Variants in GABRB3 observed in about 807,000 individuals in gnomAD.
The protein encoded by GABRB3 is gamma-aminobutyric acid receptor subunit beta-3.
In GABRB3, 14 loss-of-function variants were observed where a neutral mutation model predicts 52.1. The ratio of observed to expected loss-of-function variants is 0.27; its 90% CI spans 0.18 to 0.42. The LOEUF is 0.42. Ranked by LOEUF, GABRB3 falls within the 10% of genes least tolerant of loss-of-function variation. GABRB3 has a pLI of 1.00. For missense variants in GABRB3, 307 were observed against 609.1 expected (o/e 0.50, Z 5.22); for synonymous variants, 260 against 232.3 (o/e 1.12, Z -1.08).
At chr15:26,624,199 C>T in intron 3 of GABRB3, 2 of 985,530 alleles carry the variant, frequency 2.0e-6, no homozygotes, top group Non-Finnish European at 2.4e-6. Flanking sequence ...GCCCCTTCAT[C>T]ACCATTACCT....
chr15:26,590,156 C>T (rs553234237), intron 4 of GABRB3: 2 of 152,198 alleles, frequency 1.3e-5, no homozygotes, highest in African/African-American at 4.8e-5. Context: ...AGAATTGAAT[C>T]CAACATCAGT....
At chr15:26,693,499 C>T (rs1047109082) in intron 3 of GABRB3, among the ~76,000 whole-genome samples, 6 of 152,224 alleles carry the variant, frequency 3.9e-5, no homozygotes, top group Non-Finnish European at 7.3e-5. Context: ...ATGAGAGCTA[C>T]ACTTCACACT....
intron 3 of GABRB3, among the ~76,000 whole-genome samples, chr15:26,764,343 C>G (rs1017225226): frequency 3.3e-5 from 5 of 150,444 alleles, no homozygotes; most frequent in Admixed American, 1.3e-4. Flanking sequence ...AATTCATATC[C>G]TCTTTTAAAA....
intron 3 of GABRB3, chr15:26,624,070 G>C (rs1595492431): frequency 2.7e-6 from 1 of 366,416 alleles, no homozygotes; most frequent in Non-Finnish European, 3.8e-6. Flanking sequence ...ATGGTGTGCA[G>C]AGGCCTCCGA....
intron 3 of GABRB3, among the ~76,000 whole-genome samples, chr15:26,768,714 T>C (rs1426813944): frequency 6.6e-6 from 1 of 151,988 alleles, no homozygotes; most frequent in African/African-American, 2.4e-5. Context: ...TTTTTATAGA[T>C]TATCTAAAAT....
At chr15:26,634,834 TTGTG>T (rs140733341) in intron 3 of GABRB3, among the ~76,000 whole-genome samples, 17,879 of 150,624 alleles carry the variant, frequency 0.12, 1,229 homozygotes, top group Admixed American at 0.2. Flanking sequence ...ATATATGTGT[TTGTG>T]TGTGTATGTA....
chr15:26,683,868 A>C (rs1405396848), intron 3 of GABRB3, among the ~76,000 whole-genome samples: 1 of 150,748 alleles, frequency 6.6e-6, no homozygotes, highest in Non-Finnish European at 1.5e-5. Context: ...AGGACTGGAG[A>C]CCTCTCTAGG....
At chr15:26,766,272 C>T (rs1330407000) in intron 3 of GABRB3, among the ~76,000 whole-genome samples, 1 of 152,164 alleles carries the variant, frequency 6.6e-6, no homozygotes, top group Non-Finnish European at 1.5e-5. Flanking sequence ...AAGAAAGGTT[C>T]AGTTACTCAT....
intron 4 of GABRB3, among the ~76,000 whole-genome samples, chr15:26,607,662 G>T (rs923319745): frequency 2.0e-5 from 3 of 151,866 alleles, no homozygotes; most frequent in Non-Finnish European, 4.4e-5. Context: ...ATTAATAGTA[G>T]TGTTTCTATA....
At chr15:26,681,863 C>T (rs1375411863) in intron 3 of GABRB3, among the ~76,000 whole-genome samples, 1 of 152,054 alleles carries the variant, frequency 6.6e-6, no homozygotes, top group Non-Finnish European at 1.5e-5. Flanking sequence ...TCCCAGCTAT[C>T]TGGGAGGTGG....
chr15:26,592,897 CCCAGCTA>C (rs1366275181), intron 4 of GABRB3, among the ~76,000 whole-genome samples: 1 of 152,126 alleles, frequency 6.6e-6, no homozygotes, highest in African/African-American at 2.4e-5. Context: ...TGCCTTTAGT[CCCAGCTA>C]CTTGGGAGGC....
intron 3 of GABRB3, among the ~76,000 whole-genome samples, chr15:26,753,439 C>T (rs1257203987): frequency 1.3e-5 from 2 of 152,166 alleles, no homozygotes; most frequent in Non-Finnish European, 2.9e-5. Flanking sequence ...ACCAAAATTA[C>T]TAGGCAAGAC....
At chr15:26,731,143 T>G (rs1889900980) in intron 3 of GABRB3, among the ~76,000 whole-genome samples, 1 of 152,194 alleles carries the variant, frequency 6.6e-6, no homozygotes, top group Non-Finnish European at 1.5e-5. Flanking sequence ...TAATTGACAT[T>G]GATCTCACAG....
intron 3 of GABRB3, among the ~76,000 whole-genome samples, chr15:26,728,766 G>A (rs1008941593): frequency 2.0e-5 from 3 of 152,164 alleles, no homozygotes; most frequent in Non-Finnish European, 4.4e-5. Flanking sequence ...TTACCTGTAT[G>A]TTATTTTCCA....
intron 4 of GABRB3, among the ~76,000 whole-genome samples, chr15:26,593,202 C>T (rs1891269616): frequency 2.6e-5 from 4 of 151,962 alleles, no homozygotes; most frequent in African/African-American, 7.3e-5. Flanking sequence ...ATGATAGATA[C>T]TGAGGGGATA....
At chr15:26,624,758 T>C in intron 3 of GABRB3, 3 of 985,434 alleles carry the variant, frequency 3.0e-6, no homozygotes, top group South Asian at 4.7e-5. Flanking sequence ...TTTTCTGGGA[T>C]ACTTACTAGC....
chr15:26,597,121 A>C (rs1013850741), intron 4 of GABRB3, among the ~76,000 whole-genome samples: 2 of 152,116 alleles, frequency 1.3e-5, no homozygotes, highest in African/African-American at 4.8e-5. Flanking sequence ...ATCATGATCC[A>C]ATCACCTCTT....
intron 3 of GABRB3, among the ~76,000 whole-genome samples, chr15:26,758,206 G>A (rs188385464): frequency 1.1e-4 from 17 of 152,242 alleles, no homozygotes; most frequent in Non-Finnish European, 2.4e-4. Flanking sequence ...GCTGACTGAC[G>A]GTTCCTATTA....
chr15:26,567,480 G>C (rs895228056), intron 7 of GABRB3, 101 bp downstream of exon 7: 1 of 1,118,070 alleles, frequency 8.9e-7, no homozygotes. Context: ...CTTGTGTCAC[G>C]CTGTCAAAAA....
Sources: allele counts gnomAD v4.1 joint callset (sites outside exome capture counted in the v4.1 genomes callset), GRCh38; gene constraint gnomAD v4.1.1; transcripts MANE v1.5; gene names NCBI Gene and HGNC (gene_info 2026-07-23, HGNC 2026-07-21).